Variants in GMDS observed in about 807,000 individuals in gnomAD.
GMDS encodes the protein GDP-mannose 4,6 dehydratase.
In GMDS, 20 loss-of-function variants were observed where a neutral mutation model predicts 49.9. The observed-to-expected ratio is 0.40, with a 90% confidence interval of 0.28 to 0.58. The LOEUF is 0.58. Among genes scored for constraint, GMDS ranks in the 20% least tolerant of loss-of-function variants. GMDS has a pLI of 0.42. For synonymous variants in GMDS, 177 were observed against 178.6 expected (o/e 0.99, Z 0.07); for missense variants, 362 against 481.4 (o/e 0.75, Z 2.32).
At chr6:1,697,391 T>C (rs1408135164) in intron 9 of GMDS, among the ~76,000 whole-genome samples, 21 of 152,356 alleles carry the variant, frequency 1.4e-4, no homozygotes, top group African/African-American at 5.1e-4. Context: ...TTTCTCATTT[T>C]CAGCAAGAAT....
At position 2,074,333 on chromosome 6, in the gene GMDS, A is replaced by G. The variant is rs540010419; in HGVS notation, c.345+41438T>C. Reference sequence around the variant, plus strand: ...CATGGCTTTGGAGAATTGTCCATTTATGGGCTTTGCCTACTTTTCAATGGG... The same window carrying G: ...CATGGCTTTGGAGAATTGTCCATTTGTGGGCTTTGCCTACTTTTCAATGGG... On this transcript the variant is annotated intron_variant, in intron 4 of 10. Transcript: ENST00000380815. Among the ~76,000 whole-genome samples, 74 of 152,260 alleles carry G rather than the reference A, an allele frequency of 4.9e-4. 1 individual carries two copies. Among genetic ancestry groups the G allele is most frequent in the South Asian group, 8.3e-4 (4 of 4,826 alleles).
At chr6:1,977,303 G>A (rs1229370917) in intron 4 of GMDS, among the ~76,000 whole-genome samples, 1 of 152,124 alleles carries the variant, frequency 6.6e-6, no homozygotes, top group Non-Finnish European at 1.5e-5. Flanking sequence ...TAACCAACAG[G>A]CAAATAAATG....
chr6:1,716,194 G>A (rs1766170858), intron 9 of GMDS, among the ~76,000 whole-genome samples: 1 of 152,224 alleles, frequency 6.6e-6, no homozygotes, highest in African/African-American at 2.4e-5. Flanking sequence ...CTGAGTTACT[G>A]TTAAGGATCC....
At chr6:1,674,556 CTCTCTTT>C (rs149851509) in intron 9 of GMDS, among the ~76,000 whole-genome samples, 1,291 of 84,718 alleles carry the variant, frequency 0.015, 6 homozygotes, top group African/African-American at 0.046. Context: ...CTCTCTCTCT[CTCTCTTT>C]TTTTTTTTTT....
At chr6:2,020,091 A>AC (rs1768181897) in intron 4 of GMDS, among the ~76,000 whole-genome samples, 1 of 152,172 alleles carries the variant, frequency 6.6e-6, no homozygotes, top group Non-Finnish European at 1.5e-5. Context: ...CATATGTTTA[A>AC]CCTAAAGTCT....
chr6:1,742,399 G>A (rs1040404744), intron 8 of GMDS, 69 bp downstream of exon 8: 30 of 836,882 alleles, frequency 3.6e-5, no homozygotes, highest in African/African-American at 3.0e-4. Context: ...AGCCAGAACC[G>A]AGGCTTCAGC....
At chr6:1,686,219 G>A (rs569087458) in intron 9 of GMDS, among the ~76,000 whole-genome samples, 54 of 152,292 alleles carry the variant, frequency 3.5e-4, no homozygotes, top group African/African-American at 1.3e-3. Flanking sequence ...AGATGACGCG[G>A]CCTCTTTCCC....
At chr6:1,733,852 TAAA>T (rs61455182) in intron 8 of GMDS, among the ~76,000 whole-genome samples, 5 of 146,062 alleles carry the variant, frequency 3.4e-5, no homozygotes, top group Non-Finnish European at 3.0e-5. Flanking sequence ...ACTCTTGTCT[TAAA>T]AAAAAAAAAA....
chr6:2,197,236 G>A (rs954661007), intron 1 of GMDS, among the ~76,000 whole-genome samples: 3 of 152,172 alleles, frequency 2.0e-5, no homozygotes, highest in Non-Finnish European at 2.9e-5. Context: ...AGCGCTTCAT[G>A]TCCCTGACTC....
chr6:1,972,204 T>C (rs1764650745), intron 4 of GMDS, among the ~76,000 whole-genome samples: 2 of 151,700 alleles, frequency 1.3e-5, no homozygotes, highest in Admixed American at 6.6e-5. Context: ...AATTCTAATT[T>C]GTTCTAATTA....
chr6:2,244,748 T>G (rs1581854511), intron 1 of GMDS, among the ~76,000 whole-genome samples: 1 of 152,170 alleles, frequency 6.6e-6, no homozygotes, highest in African/African-American at 2.4e-5. Context: ...TTTTAAAAAG[T>G]TTTTTAAGTT....
chr6:1,776,356 A>G (rs1249223709), intron 7 of GMDS, among the ~76,000 whole-genome samples: 1 of 152,168 alleles, frequency 6.6e-6, no homozygotes, highest in African/African-American at 2.4e-5. Context: ...TATGTCCCAC[A>G]CAGAATTTTT....
intron 1 of GMDS, among the ~76,000 whole-genome samples, chr6:2,234,071 G>A (rs751116369): frequency 7.9e-5 from 12 of 152,122 alleles, no homozygotes; most frequent in Admixed American, 2.0e-4. Flanking sequence ...TTGTCCTCAT[G>A]GATTTACACA....
intron 4 of GMDS, among the ~76,000 whole-genome samples, chr6:2,034,976 C>T (rs1769205987): frequency 6.6e-6 from 1 of 152,096 alleles, no homozygotes; most frequent in Non-Finnish European, 1.5e-5. Flanking sequence ...AAGAAGCTGC[C>T]ACCCCTGCTA....
At chr6:2,147,620 A>C (rs570216716) in intron 1 of GMDS, among the ~76,000 whole-genome samples, 1 of 151,980 alleles carries the variant, frequency 6.6e-6, no homozygotes, top group African/African-American at 2.4e-5. Context: ...AGAGTCCCCT[A>C]CATTTATCAA....
At chr6:2,021,788 C>G (rs1768289377) in intron 4 of GMDS, among the ~76,000 whole-genome samples, 1 of 152,168 alleles carries the variant, frequency 6.6e-6, no homozygotes, top group Admixed American at 6.5e-5. Flanking sequence ...CTCCTGGGCT[C>G]CAATCGCTCT....
intron 1 of GMDS, among the ~76,000 whole-genome samples, chr6:2,193,822 C>T (rs1231895821): frequency 1.4e-5 from 2 of 144,120 alleles, no homozygotes; most frequent in African/African-American, 5.3e-5. Context: ...CTCCCAGGTT[C>T]ACGCCATTCT....
chr6:1,880,591 C>T (rs577666476), intron 7 of GMDS, among the ~76,000 whole-genome samples: 40 of 152,282 alleles, frequency 2.6e-4, no homozygotes, highest in African/African-American at 9.4e-4. Context: ...TGGTTCCTAG[C>T]CATTGTGGTT....
At chr6:1,786,657 T>C (rs1234886498) in intron 7 of GMDS, among the ~76,000 whole-genome samples, 1 of 152,164 alleles carries the variant, frequency 6.6e-6, no homozygotes, top group Non-Finnish European at 1.5e-5. Context: ...AAAAAGTCTC[T>C]GGGCCTGGAA....
Sources: gnomAD v4.1 joint callset for allele counts (sites outside exome capture counted in the v4.1 genomes callset) on GRCh38, gnomAD v4.1.1 for gene constraint, MANE v1.5 for transcripts, NCBI Gene and HGNC (gene_info 2026-07-23, HGNC 2026-07-21) for gene names.